The following COMMD10 variants were observed in gnomAD, a reference collection of about 807,000 sequenced individuals.
COMMD10 encodes COMM domain containing 10.
Under a neutral mutation model 28.9 loss-of-function variants are expected in COMMD10, and 33 were observed. The ratio of observed to expected loss-of-function variants is 1.14; its 90% confidence interval spans 0.87 to 1.53. The LOEUF is 1.53. Ranked by LOEUF, COMMD10 falls within the 40% of genes most tolerant of loss-of-function variation. The probability of loss-of-function intolerance (pLI) is 0.00; values close to 1 mark genes in which losing one functional copy is unlikely to be tolerated. For missense variants in COMMD10, 310 were observed against 233.4 expected (o/e 1.33, Z -2.14); for synonymous variants, 110 against 81.7 (o/e 1.35, Z -1.87).
chr5:116,173,648 C>A (rs969563338), intron 5 of COMMD10, among the ~76,000 whole-genome samples: 4 of 152,050 alleles, frequency 2.6e-5, no homozygotes, highest in Non-Finnish European at 4.4e-5. Context: ...TGAAGTCATT[C>A]CAAAAGTTAT....
intron 5 of COMMD10, among the ~76,000 whole-genome samples, chr5:116,197,631 CT>C (rs1213152569): frequency 1.3e-5 from 2 of 152,128 alleles, no homozygotes; most frequent in Admixed American, 6.6e-5. Flanking sequence ...ATCCATCCCC[CT>C]CGGCCTCCCT....
rs182205370 is a variant in COMMD10, at chr5:116,271,600, A to G, written c.511-19917A>G. 2.8e-3 allele frequency among the ~76,000 whole-genome samples: 432 copies of G among 151,804 alleles called. 2 individuals carry two copies. Among genetic ancestry groups the G allele is most frequent in the South Asian group, 9.3e-3 (45 of 4,818 alleles). On this transcript the variant is annotated intron_variant, in intron 5 of 6. Transcript: ENST00000274458. ...CCTAAGCTACCAGTATGGAAGATCA[A>G]CATTTAAGAAGGCATTAGTCATCTG...
intron 4 of COMMD10, among the ~76,000 whole-genome samples, chr5:116,096,293 G>A (rs1233419944): frequency 6.7e-6 from 1 of 149,618 alleles, no homozygotes. Context: ...TATCAATCCT[G>A]CCCTTATTTT....
chr5:116,148,395 C>G (rs554355482), intron 5 of COMMD10, among the ~76,000 whole-genome samples: 4 of 151,686 alleles, frequency 2.6e-5, no homozygotes, highest in Non-Finnish European at 5.9e-5. Flanking sequence ...AGAGTAGATA[C>G]GAAGTTTCTT....
intron 5 of COMMD10, among the ~76,000 whole-genome samples, chr5:116,261,698 C>A (rs1580593564): frequency 6.6e-6 from 1 of 151,636 alleles, no homozygotes; most frequent in Non-Finnish European, 1.5e-5. Context: ...CTTCCTCATT[C>A]CTATCAACAA....
chr5:116,259,943 A>G (rs1468438553), intron 5 of COMMD10, among the ~76,000 whole-genome samples: 9 of 151,730 alleles, frequency 5.9e-5, no homozygotes, highest in Non-Finnish European at 7.4e-5. Context: ...GGTTTCTCCA[A>G]TGTGATTTTG....
chr5:116,195,957 G>A (rs994240102), intron 5 of COMMD10, among the ~76,000 whole-genome samples: 6 of 152,268 alleles, frequency 3.9e-5, no homozygotes, highest in Middle Eastern at 3.4e-3. Context: ...TGGATGCAGT[G>A]ATCAGGAAAC....
At chr5:116,138,164 TA>T in intron 5 of COMMD10, among the ~76,000 whole-genome samples, 1 of 151,952 alleles carries the variant, frequency 6.6e-6, no homozygotes, top group East Asian at 1.9e-4. Flanking sequence ...TTATTAATCA[TA>T]TACATATAGA....
chr5:116,115,235 A>C (rs1399188321), intron 4 of COMMD10, among the ~76,000 whole-genome samples: 1 of 152,032 alleles, frequency 6.6e-6, no homozygotes, highest in African/African-American at 2.4e-5. Flanking sequence ...GAGGGTCAAG[A>C]TACACTCCCA....
At chr5:116,256,845 C>T (rs1366634282) in intron 5 of COMMD10, among the ~76,000 whole-genome samples, 1 of 151,706 alleles carries the variant, frequency 6.6e-6, no homozygotes. Context: ...TCTCAGCCAG[C>T]CACGTGGATA....
At chr5:116,107,738 G>A (rs1358902384) in intron 4 of COMMD10, among the ~76,000 whole-genome samples, 1 of 149,562 alleles carries the variant, frequency 6.7e-6, no homozygotes, top group African/African-American at 2.5e-5. Context: ...GAGGAGTTGT[G>A]ATCCTTTGGA....
chr5:116,144,227 T>C (rs192146820), intron 5 of COMMD10, among the ~76,000 whole-genome samples: 1 of 151,844 alleles, frequency 6.6e-6, no homozygotes, highest in East Asian at 1.9e-4. Context: ...AAATGACAAG[T>C]AGAATTGAAG....
chr5:116,100,866 G>A (rs1390646747), intron 4 of COMMD10, among the ~76,000 whole-genome samples: 1 of 151,990 alleles, frequency 6.6e-6, no homozygotes, highest in Non-Finnish European at 1.5e-5. Context: ...GGACTTTTAG[G>A]TAATTTCTCA....
At chr5:116,149,473 C>G (rs1752445788) in intron 5 of COMMD10, among the ~76,000 whole-genome samples, 1 of 146,850 alleles carries the variant, frequency 6.8e-6, no homozygotes, top group South Asian at 2.2e-4. Context: ...GTCCCACCAA[C>G]AGTGTAAAAG....
chr5:116,129,817 A>G (rs1045488369), intron 4 of COMMD10, among the ~76,000 whole-genome samples: 11 of 145,160 alleles, frequency 7.6e-5, no homozygotes, highest in African/African-American at 2.5e-4. Flanking sequence ...ATATATTAGT[A>G]TATATAGTAT....
intron 5 of COMMD10, among the ~76,000 whole-genome samples, chr5:116,165,781 T>A (rs1253122199): frequency 6.6e-6 from 1 of 152,160 alleles, no homozygotes; most frequent in Non-Finnish European, 1.5e-5. Flanking sequence ...TCCTAACAGA[T>A]CAGTGCTGTA....
intron 4 of COMMD10, among the ~76,000 whole-genome samples, chr5:116,124,975 G>C (rs1421651590): frequency 6.6e-6 from 1 of 152,094 alleles, no homozygotes; most frequent in Non-Finnish European, 1.5e-5. Context: ...CACGTGAAGT[G>C]GTTCTCCTGA....
chr5:116,215,612 G>A (rs954762612), intron 5 of COMMD10, among the ~76,000 whole-genome samples: 5 of 150,616 alleles, frequency 3.3e-5, no homozygotes, highest in African/African-American at 7.3e-5. Flanking sequence ...GCTTGATCCC[G>A]GGAGGCGGAG....
At chr5:116,257,001 A>G (rs140292760) in intron 5 of COMMD10, among the ~76,000 whole-genome samples, 1 of 151,906 alleles carries the variant, frequency 6.6e-6, no homozygotes, top group Non-Finnish European at 1.5e-5. Flanking sequence ...AATAGCATCA[A>G]ACAATGGCAG....
Sources: gnomAD v4.1 joint callset for allele counts (sites outside exome capture counted in the v4.1 genomes callset) on GRCh38, gnomAD v4.1.1 for gene constraint, MANE v1.5 for transcripts, NCBI Gene and HGNC (gene_info 2026-07-23, HGNC 2026-07-21) for gene names.